Variants in EXD2 observed in about 807,000 individuals in gnomAD.
EXD2 encodes the protein exonuclease 3'-5' domain containing 2.
Under a neutral mutation model 62.5 loss-of-function variants are expected in EXD2, and 40 were observed. That is an observed-to-expected ratio of 0.64 (90% CI 0.50 to 0.83). The LOEUF is 0.83. Among genes scored for constraint, EXD2 ranks in the 40% least tolerant of loss-of-function variants. The pLI, the probability that EXD2 is intolerant of heterozygous loss-of-function variation, is 0.00. For synonymous variants in EXD2, 239 were observed against 291.9 expected (o/e 0.82, Z 1.85); for missense variants, 671 against 761.8 (o/e 0.88, Z 1.40).
chr14:69,238,109 G>T (rs972873618), intron 9 of EXD2, among the ~76,000 whole-genome samples, 178 bp downstream of exon 9: 2 of 152,214 alleles, frequency 1.3e-5, no homozygotes, highest in African/African-American at 4.8e-5. Context: ...ATCTACTTGA[G>T]GAGTTCCTTT....
Position 69,241,201 on chromosome 14 carries a change from T to G in EXD2, c.*101T>G. 1.1e-6 allele frequency: 1 copy of G among 946,488 alleles called. No individual in the cohort carries two copies. Among genetic ancestry groups the G allele is most frequent in the Non-Finnish European group, 1.6e-6 (1 of 633,094 alleles). 58.6% of individuals were successfully genotyped at this position (946,488 alleles called of 1,614,324 possible). Reference sequence around the variant, plus strand: ...ACATCATTAATTGTCAAAGCCTGTGTGACACAACTCAGAATACTAACCTAG... The same window carrying G: ...ACATCATTAATTGTCAAAGCCTGTGGGACACAACTCAGAATACTAACCTAG... On this transcript the variant is annotated 3_prime_UTR_variant, in exon 10 of 10. Coordinates refer to ENST00000685843, the MANE Select transcript of EXD2 (RefSeq NM_001193360.2).
Position 69,243,145 on chromosome 14 carries a change from T to G in EXD2, c.*2045T>G, listed in dbSNP as rs1039046763. On this transcript the variant is annotated 3_prime_UTR_variant, in exon 10 of 10. Coordinates refer to ENST00000685843, the MANE Select transcript of EXD2 (RefSeq NM_001193360.2). The stretch of plus-strand genomic sequence containing the variant: ...TTCAGGAGAGAGTCACTGTGTAGAT[T>G]TGAATCTTTTTTCTTTGAGTCTGCT... The G allele has an allele frequency of 2.7e-5, 4 of 150,312 alleles. No individual in the cohort carries two copies. The highest frequency in any genetic ancestry group is 5.9e-5 in the Non-Finnish European group (4 of 67,328). 9.3% of individuals were successfully genotyped at this position (150,312 alleles called of 1,614,324 possible).
chr14:69,209,985 G>A (rs1280674930), intron 3 of EXD2, 182 bp downstream of exon 3: 1 of 492,800 alleles, frequency 2.0e-6, no homozygotes, highest in Non-Finnish European at 3.5e-6. Context: ...ATGGCGGAGT[G>A]CTTACAATTA....
Position 69,244,007 on chromosome 14 carries a change from T to A in EXD2, c.*2907T>A, listed in dbSNP as rs1460968877. The stretch of plus-strand genomic sequence containing the variant: ...AAAAAAAGGTAAAAAAATAAAATTT[T>A]AAATTTTAAAATATAGGCTGTAGGC... On this transcript the variant is annotated 3_prime_UTR_variant, in exon 10 of 10. Transcript: ENST00000685843. 5.9e-5 allele frequency: 9 copies of A among 152,218 alleles called. No individual in the cohort carries two copies. The highest frequency in any genetic ancestry group is 2.4e-5 in the African/African-American group (1 of 41,442). The allele number at this position is 152,218 out of a possible 1,614,324, so 9.4% of individuals were successfully genotyped here.
chr14:69,212,887 T>A (rs2042859188), intron 3 of EXD2, among the ~76,000 whole-genome samples: 1 of 151,300 alleles, frequency 6.6e-6, no homozygotes, highest in Non-Finnish European at 1.5e-5. Context: ...TTTTTTGTAT[T>A]TTTAGTAGAG....
At chr14:69,218,967 C>T (rs1177220932) in intron 3 of EXD2, among the ~76,000 whole-genome samples, 1 of 152,118 alleles carries the variant, frequency 6.6e-6, no homozygotes. Context: ...GTTCTTTTGG[C>T]TTAGGATTGT....
chr14:69,209,609 G>T lies in EXD2; in HGVS notation c.139G>T (p.Val47Leu), dbSNP rs1170685147. ...SPVTQQPQQKVLGSRELPPPE... is the reference protein window; with the variant it reads ...SPVTQQPQQKLLGSRELPPPE... ...TGTGACCCAACAGCCACAGCAGAAA[G>T]TGCTGGGCAGTAGAGAGCTGCCCCC... Residue 47 changes from valine (V) to leucine (L), a missense_variant, in exon 3 of 10, where the codon GTG becomes TTG. Transcript: ENST00000685843. 3.9e-6 allele frequency: 6 copies of T among 1,550,568 alleles called. No individual in the cohort carries two copies. The Admixed American group carries it at 5.9e-5, about 15-fold the overall frequency.
intron 3 of EXD2, among the ~76,000 whole-genome samples, chr14:69,215,535 G>A (rs1030200769): frequency 8.5e-5 from 13 of 152,050 alleles, no homozygotes; most frequent in Non-Finnish European, 1.2e-4. Flanking sequence ...CTTCCCATCC[G>A]TAGCATATGA....
At chr14:69,227,765 C>T (rs946631296) in intron 3 of EXD2, among the ~76,000 whole-genome samples, 4 of 151,972 alleles carry the variant, frequency 2.6e-5, no homozygotes, top group Non-Finnish European at 5.9e-5. Context: ...ACTCGGGAGG[C>T]GGAGGTTGCA....
At chr14:69,206,950 A>C (rs1313228241) in intron 2 of EXD2, among the ~76,000 whole-genome samples, 3 of 152,230 alleles carry the variant, frequency 2.0e-5, no homozygotes, top group Admixed American at 2.0e-4. Context: ...AGATTACCTT[A>C]ATCAGCAGTT....
chr14:69,241,123 G>A lies in EXD2; in HGVS notation c.*23G>A, dbSNP rs1380104940. ...TGATAGCTGCTTTCCTCCCAGTTAG[G>A]ACAAGTGGGAAGCTGGAGCCAAGGT... On this transcript the variant is annotated 3_prime_UTR_variant, in exon 10 of 10. Coordinates refer to ENST00000685843, the MANE Select transcript of EXD2 (RefSeq NM_001193360.2). 6.2e-7 allele frequency: 1 copy of A among 1,600,756 alleles called. No individual in the cohort carries two copies. The highest frequency in any genetic ancestry group is 1.7e-5 in the Admixed American group (1 of 59,704).
chr14:69,206,544 A>G (rs2042611046), intron 2 of EXD2, among the ~76,000 whole-genome samples: 1 of 140,874 alleles, frequency 7.1e-6, no homozygotes. Context: ...GTGGCACACC[A>G]TCACAGCTTC....
chr14:69,226,600 T>C (rs965682107), intron 3 of EXD2, among the ~76,000 whole-genome samples: 4 of 151,974 alleles, frequency 2.6e-5, no homozygotes, highest in Admixed American at 6.6e-5. Context: ...ATACAAAAAT[T>C]AGCTGGGTGT....
At chr14:69,201,132 G>A (rs61980270) in intron 1 of EXD2, among the ~76,000 whole-genome samples, 47,553 of 151,672 alleles carry the variant, frequency 0.31, 9,883 homozygotes, top group East Asian at 0.92. Context: ...TTTGTAGTAA[G>A]TATTCAAAAA....
intron 3 of EXD2, among the ~76,000 whole-genome samples, chr14:69,213,032 A>G (rs1048198745): frequency 7.3e-5 from 11 of 150,306 alleles, no homozygotes; most frequent in Non-Finnish European, 1.3e-4. Flanking sequence ...TTTATAGTCA[A>G]TATTTGTTTA....
Position 69,234,933 on chromosome 14 carries a change from TAAG to T in EXD2, c.955_957del (p.Lys319del). On this transcript the variant is annotated inframe_deletion, in exon 6 of 10. Transcript: ENST00000685843. ...CAGAATCTCAGCAGAAGCCAAGAAA[TAAG>T]AAGTCTAAGATGGATGGGATGGTGC... 1 of 1,613,808 alleles carries T rather than the reference TAAG, an allele frequency of 6.2e-7. No individual in the cohort carries two copies. Among genetic ancestry groups the T allele is most frequent in the Non-Finnish European group, 8.5e-7 (1 of 1,179,920 alleles).
intron 1 of EXD2, among the ~76,000 whole-genome samples, chr14:69,197,180 C>CA (rs1220857885): frequency 6.6e-6 from 1 of 152,158 alleles, no homozygotes; most frequent in African/African-American, 2.4e-5. Flanking sequence ...GTGATTGCAT[C>CA]ACTGCACTGC....
chr14:69,238,045 C>A, intron 9 of EXD2, 114 bp downstream of exon 9: 1 of 868,762 alleles, frequency 1.2e-6, no homozygotes, highest in Non-Finnish European at 1.8e-6. Flanking sequence ...TAGCCTCATG[C>A]TTCACCTAGT....
Position 69,202,792 on chromosome 14 carries a change from A to G in EXD2, c.-131-1125A>G, listed in dbSNP as rs2042452548. On this transcript the variant is annotated intron_variant, in intron 1 of 9. Coordinates refer to ENST00000685843, the MANE Select transcript of EXD2 (RefSeq NM_001193360.2). ...ATAATCAAGATGCAGATTGGCCTCA[A>G]TAGATGAAACATTTGGCTGAAACAG... is the stretch of plus-strand genomic sequence containing the variant. Among the ~76,000 whole-genome samples, 3 of 152,368 alleles carry G rather than the reference A, an allele frequency of 2.0e-5. No individual in the cohort carries two copies. The South Asian group carries it at 6.2e-4, about 32-fold the overall frequency.
Sources: allele counts gnomAD v4.1 joint callset (sites outside exome capture counted in the v4.1 genomes callset), GRCh38; gene constraint gnomAD v4.1.1; transcripts MANE v1.5; gene names NCBI Gene and HGNC (gene_info 2026-07-23, HGNC 2026-07-21).